Variants in PEX11A observed in about 807,000 individuals in gnomAD.
PEX11A encodes peroxisomal biogenesis factor 11 alpha, also known as peroxisomal membrane protein 11A.
In PEX11A, 13 loss-of-function variants were observed where a neutral mutation model predicts 14.4. The ratio of observed to expected loss-of-function variants is 0.90; its 90% confidence interval spans 0.59 to 1.43. PEX11A has a LOEUF of 1.43. PEX11A is among the 40% of genes most tolerant of loss of function. The pLI, the probability that PEX11A is intolerant of heterozygous loss-of-function variation, is 0.00. For synonymous variants in PEX11A, 101 were observed against 113.0 expected (o/e 0.89, Z 0.67); for missense variants, 290 against 302.8 (o/e 0.96, Z 0.31).
intron 2 of PEX11A, among the ~76,000 whole-genome samples, chr15:89,685,839 C>T (rs746474902): frequency 1.1e-4 from 16 of 152,270 alleles, no homozygotes; most frequent in Non-Finnish European, 2.2e-4. Flanking sequence ...ACTATAGCAA[C>T]ATCTGGTTTT....
intron 1 of PEX11A, among the ~76,000 whole-genome samples, chr15:89,687,603 G>A (rs2141552195): frequency 6.6e-6 from 1 of 152,138 alleles, no homozygotes; most frequent in East Asian, 1.9e-4. Context: ...TAGGTGCCTG[G>A]TTCCTACTGT....
intron 1 of PEX11A, among the ~76,000 whole-genome samples, chr15:89,689,661 T>C (rs551064271): frequency 2.4e-3 from 372 of 152,278 alleles, no homozygotes; most frequent in Non-Finnish European, 3.6e-3. Context: ...ACCTTAGAGG[T>C]GCAGTTAGTT....
At chr15:89,690,374 G>C (rs764825812) in intron 1 of PEX11A, among the ~76,000 whole-genome samples, 1 of 152,200 alleles carries the variant, frequency 6.6e-6, no homozygotes, top group African/African-American at 2.4e-5. Context: ...GGGCTAGGAC[G>C]GGACGCGGGT....
chr15:89,690,307 C>G (rs1054516095), intron 1 of PEX11A, among the ~76,000 whole-genome samples: 1 of 152,214 alleles, frequency 6.6e-6, no homozygotes, highest in Non-Finnish European at 1.5e-5. Flanking sequence ...AGCCGGTGTC[C>G]CGTCGTCGGC....
At chr15:89,687,331 G>C (rs1308343901) in intron 1 of PEX11A, among the ~76,000 whole-genome samples, 1 of 152,170 alleles carries the variant, frequency 6.6e-6, no homozygotes, top group Admixed American at 6.5e-5. Context: ...ACAGTTTAAA[G>C]ATTGTTTAAT....
In PEX11A at chr15:89,683,532, C is replaced by G. The variant is rs1397259071; in HGVS notation, c.589G>C (p.Asp197His). ...ATATCACAAAGGTTCTTCACTGTGTCCAGGAGCAAGGGAGGATGCTGCTTC... is the reference window on the plus strand; with the variant it reads ...ATATCACAAAGGTTCTTCACTGTGTGCAGGAGCAAGGGAGGATGCTGCTTC... Reference protein sequence around the residue: ...SLKQHPPLLLDTVKNLCDILN... With the variant: ...SLKQHPPLLLHTVKNLCDILN... Residue 197 changes from aspartate to histidine, a missense_variant, in exon 3 of 3, where the codon GAC (aspartate) becomes CAC (histidine). Asp to His is a moderately conservative substitution (Grantham distance 81, BLOSUM62 -1). Transcript: ENST00000300056. 1 of 1,614,150 alleles carries G rather than the reference C, an allele frequency of 6.2e-7. No individual in the cohort carries two copies. The highest frequency in any genetic ancestry group is 1.7e-5 in the Admixed American group (1 of 60,010).
rs941701834 is a variant in PEX11A, at chr15:89,681,865, C to T, written c.*1512G>A. ...TACCTGCTGGCATCCTATTTCTCTA[C>T]CTCACCTCCCTCAAACTAAAGGATC... On this transcript the variant is annotated 3_prime_UTR_variant, in exon 3 of 3. Coordinates refer to ENST00000300056, the MANE Select transcript of PEX11A (RefSeq NM_003847.3). 17 of 241,248 alleles carry T rather than the reference C, an allele frequency of 7.0e-5. No individual in the cohort carries two copies. In the South Asian group the frequency reaches 8.4e-4, roughly 12 times the overall value. The allele number at this position is 241,248 out of a possible 1,614,324, so 14.9% of individuals were successfully genotyped here.
Position 89,683,821 on chromosome 15 carries a change from G to A in PEX11A, c.300C>T (p.Asp100=), listed in dbSNP as rs1273167280. ...NLNRVIYFIC[D]TILWVRSVGL... ...CTACGCTCCTCACCCAGAGGATGGT[G>A]TCACAGATGAAATAAATCACACGGT... is the stretch of plus-strand genomic sequence containing the variant. The change falls in exon 3 of 3, where the codon GAC becomes GAT. Residue 100 remains aspartate (D), a synonymous_variant. Transcript: ENST00000300056. The A allele has an allele frequency of 3.1e-6, 5 of 1,614,098 alleles. No individual in the cohort carries two copies. Among genetic ancestry groups the A allele is most frequent in the Non-Finnish European group, 3.4e-6 (4 of 1,179,918 alleles).
Position 89,689,940 on chromosome 15 carries a change from G to A in PEX11A, c.56+637C>T, listed in dbSNP as rs181932842. ...GAGGTCAGGAGTTCGAGACCAGCCT[G>A]GCCAACATGGCGAAACCCCCGTCTC... On this transcript the variant is annotated intron_variant, in intron 1 of 2. Transcript: ENST00000300056. Among the ~76,000 whole-genome samples the A allele has an allele frequency of 7.3e-3, 1,119 of 152,274 alleles. 14 individuals are homozygous for A. The highest frequency in any genetic ancestry group is 0.026 in the African/African-American group (1,074 of 41,544).
At chr15:89,684,002 A>ATTCTATCTTCCTGTT in intron 2 of PEX11A, 54 bp from the exon 3 acceptor site, 1 of 1,277,926 alleles carries the variant, frequency 7.8e-7, no homozygotes, top group Non-Finnish European at 1.1e-6. Flanking sequence ...CACAACAGGA[A>ATTCTATCTTCCTGTT]GATAGAATCC....
At chr15:89,685,654 C>G (rs1027027007) in intron 2 of PEX11A, among the ~76,000 whole-genome samples, 16 of 152,156 alleles carry the variant, frequency 1.1e-4, no homozygotes, top group South Asian at 4.2e-4. Context: ...CTCTAAAACA[C>G]CTTTCTTTTC....
chr15:89,688,644 G>C (rs958174946), intron 1 of PEX11A, among the ~76,000 whole-genome samples: 2 of 152,050 alleles, frequency 1.3e-5, no homozygotes, highest in African/African-American at 2.4e-5. Flanking sequence ...GCCCACCTCA[G>C]CCTCCCAAAG....
At position 89,683,801 on chromosome 15, in the gene PEX11A, C is replaced by T; in HGVS notation, c.320G>A (p.Ser107Asn). 6.2e-7 allele frequency: 1 copy of T among 1,614,092 alleles called. No homozygotes were observed. Among genetic ancestry groups the T allele is most frequent in the Non-Finnish European group, 8.5e-7 (1 of 1,179,940 alleles). Residue 107 changes from serine (S) to asparagine (N), a missense_variant, in exon 3 of 3, where the codon AGC becomes AAC. Transcript: ENST00000300056. ...GTTGATGCCAGAGGTGAGACCTACGCTCCTCACCCAGAGGATGGTGTCACA... is the reference window on the plus strand; with the variant it reads ...GTTGATGCCAGAGGTGAGACCTACGTTCCTCACCCAGAGGATGGTGTCACA... ...FICDTILWVR[S>N]VGLTSGINKE...
chr15:89,681,830 A>T lies in PEX11A; in HGVS notation c.*1547T>A, dbSNP rs950446321. 8 of 288,596 alleles carry T rather than the reference A, an allele frequency of 2.8e-5. No individual in the cohort carries two copies. Among genetic ancestry groups the T allele is most frequent in the Non-Finnish European group, 5.2e-5 (8 of 153,342 alleles). 17.9% of individuals were successfully genotyped at this position (288,596 alleles called of 1,614,324 possible). A position where few individuals can be genotyped will look rare whatever the true frequency, so the allele number is the denominator to read the frequency against. ...ACACAGCTTTGCTGGGAGGACTGAC[A>T]TCGGCCTCCTACCTGCTGGCATCCT... is the stretch of plus-strand genomic sequence containing the variant. On this transcript the variant is annotated 3_prime_UTR_variant, in exon 3 of 3. Transcript: ENST00000300056.
rs117821320 is a variant in PEX11A at position 89,684,463 on chromosome 15, A to G, written c.173-515T>C. 2.0e-3 allele frequency among the ~76,000 whole-genome samples: 298 copies of G among 152,334 alleles called. 1 individual carries two copies. Among genetic ancestry groups the G allele is most frequent in the Non-Finnish European group, 2.8e-3 (193 of 68,026 alleles). On this transcript the variant is annotated intron_variant, in intron 2 of 2. Transcript: ENST00000300056. Reference sequence around the variant, plus strand: ...ACTTCTTTAGAAGGAAGGTACTATGATAACATGAACTCCAGATGCAATACT... The same window carrying G: ...ACTTCTTTAGAAGGAAGGTACTATGGTAACATGAACTCCAGATGCAATACT...
In PEX11A at chr15:89,687,346, TA is replaced by T. The variant is rs1964693257; in HGVS notation, c.57-801del. 3.3e-5 allele frequency among the ~76,000 whole-genome samples: 5 copies of T among 152,224 alleles called. No homozygotes were observed. In the South Asian group the frequency reaches 1.0e-3, roughly 31 times the overall value. ...ACAGTTTAAAGATTGTTTAATTTTT[TA>T]TAAACGAAAGGACCAAATACACATC... On this transcript the variant is annotated intron_variant, in intron 1 of 2. Coordinates refer to ENST00000300056, the MANE Select transcript of PEX11A (RefSeq NM_003847.3).
chr15:89,686,827 G>C (rs1438874955), intron 1 of PEX11A, among the ~76,000 whole-genome samples: 1 of 123,660 alleles, frequency 8.1e-6, no homozygotes, highest in Non-Finnish European at 1.8e-5. Context: ...CAGAGAAATG[G>C]ATATAGTCAA....
chr15:89,683,887 A>G lies in PEX11A; in HGVS notation c.234T>C (p.Thr78=), dbSNP rs1218280330. ...IQATEQSIHA[T]DLVPRLCLTL... is the part of the protein sequence containing the mutation. ...TTAAGCATAAGCGAGGTACCAGGTC[A>G]GTGGCATGAATGCTCTGCTCAGTTG... The change falls in exon 3 of 3, where the codon ACT becomes ACC. Residue 78 remains threonine (T), a synonymous_variant. Coordinates refer to ENST00000300056, the MANE Select transcript of PEX11A (RefSeq NM_003847.3). 6.2e-7 allele frequency: 1 copy of G among 1,614,178 alleles called. No individual in the cohort carries two copies. The highest frequency in any genetic ancestry group is 8.5e-7 in the Non-Finnish European group (1 of 1,179,980).
intron 1 of PEX11A, among the ~76,000 whole-genome samples, chr15:89,690,365 G>A (rs1964802695): frequency 6.6e-6 from 1 of 152,214 alleles, no homozygotes; most frequent in African/African-American, 2.4e-5. Context: ...TCGTGCACGG[G>A]GCTAGGACGG....
Sources: allele counts gnomAD v4.1 joint callset (sites outside exome capture counted in the v4.1 genomes callset), GRCh38; gene constraint gnomAD v4.1.1; transcripts MANE v1.5; gene names NCBI Gene and HGNC (gene_info 2026-07-23, HGNC 2026-07-21).